ATP8A2: variants seen among roughly 807,000 people sequenced by gnomAD.
The protein encoded by ATP8A2 is phospholipid-transporting ATPase IB.
A neutral mutation model predicts 165.6 loss-of-function variants in ATP8A2; 100 were observed. The observed-to-expected ratio is 0.60, with a 90% CI of 0.51 to 0.71. The LOEUF (loss-of-function observed/expected upper bound fraction) is 0.71. Among genes scored for constraint, ATP8A2 ranks in the 30% least tolerant of loss-of-function variants. The pLI is 0.00. For missense variants in ATP8A2, 1,227 were observed against 1,479.5 expected (o/e 0.83, Z 2.80); for synonymous variants, 543 against 548.8 (o/e 0.99, Z 0.15).
Position 25,900,493 on chromosome 13 carries a change from G to A in ATP8A2, c.3183+38085G>A, listed in dbSNP as rs77738055. On this transcript the variant is annotated intron_variant, in intron 33 of 36. Transcript: ENST00000381655. ...AGTGAAGAGGGAGGGGCATCTGGTC[G>A]CAGTTTCAGATGATTGGCTAAGGTG... Among the ~76,000 whole-genome samples the A allele has an allele frequency of 2.4e-3, 366 of 152,250 alleles. 1 individual carries two copies. The highest frequency in any genetic ancestry group is 8.0e-3 in the African/African-American group (332 of 41,540).
At chr13:25,783,831 G>A (rs958217042) in intron 27 of ATP8A2, among the ~76,000 whole-genome samples, 4 of 152,164 alleles carry the variant, frequency 2.6e-5, no homozygotes, top group Non-Finnish European at 4.4e-5. Context: ...TTATGCTGCG[G>A]TTTTATATTT....
intron 1 of ATP8A2, among the ~76,000 whole-genome samples, chr13:25,443,854 A>G (rs2034997743): frequency 6.6e-6 from 1 of 152,234 alleles, no homozygotes; most frequent in African/African-American, 2.4e-5. Flanking sequence ...TGATCAGCAA[A>G]TATCCATTGA....
At chr13:25,862,497 C>A in intron 33 of ATP8A2, 89 bp downstream of exon 33, 1 of 983,892 alleles carries the variant, frequency 1.0e-6, no homozygotes, top group Non-Finnish European at 1.6e-6. Flanking sequence ...GTGTGTCTTA[C>A]AGCCACGATG....
chr13:25,402,670 G>C (rs1353282213), intron 1 of ATP8A2, among the ~76,000 whole-genome samples: 2 of 152,160 alleles, frequency 1.3e-5, no homozygotes, highest in African/African-American at 2.4e-5. Context: ...TGTGTCCCCA[G>C]TGCAACAGTA....
At chr13:25,518,765 A>T (rs543311105) in intron 2 of ATP8A2, among the ~76,000 whole-genome samples, 1 of 152,224 alleles carries the variant, frequency 6.6e-6, no homozygotes, top group East Asian at 1.9e-4. Flanking sequence ...GTAGACCCAG[A>T]CCCATATTTT....
rs533200283 is a variant in ATP8A2, at chr13:25,662,337, C to T, written c.2212-36836C>T. ...ATTCTTGGCGATGTTTTATCGTTGC[C>T]CCTGATAATTTCCCCATTTTTAAGA... is the stretch of plus-strand genomic sequence containing the variant. On this transcript the variant is annotated intron_variant, in intron 24 of 36. Coordinates refer to ENST00000381655, the MANE Select transcript of ATP8A2 (RefSeq NM_016529.6). Among the ~76,000 whole-genome samples the T allele has an allele frequency of 8.7e-4, 132 of 152,088 alleles. 1 individual carries two copies. The highest frequency in any genetic ancestry group is 3.0e-3 in the African/African-American group (126 of 41,488).
intron 25 of ATP8A2, among the ~76,000 whole-genome samples, chr13:25,742,312 A>G (rs778287043): frequency 6.6e-6 from 1 of 152,044 alleles, no homozygotes; most frequent in Non-Finnish European, 1.5e-5. Context: ...TATGGGGCAC[A>G]TGACTGTAAA....
intron 25 of ATP8A2, among the ~76,000 whole-genome samples, chr13:25,711,242 A>T (rs2043152372): frequency 2.6e-5 from 4 of 152,030 alleles, no homozygotes. Flanking sequence ...TGACCTCAAG[A>T]CACCAGCCCT....
chr13:25,543,298 G>T lies in ATP8A2; in HGVS notation c.787G>T (p.Ala263Ser). Residue 263 changes from alanine to serine, a missense_variant, in exon 10 of 37, where the codon GCC (alanine) becomes TCC (serine). Physicochemically the swap from Ala to Ser is moderately conservative, Grantham distance 99 (BLOSUM62 1). Transcript: ENST00000381655. ...GTTGTTTTTTATTTTTAGCCTTGTT[G>T]CCCTTGGGCCTGACCAGATCTTATT... is the stretch of plus-strand genomic sequence containing the variant. ...NLNLDGKSLV[A>S]LGPDQILLRG... 1 of 1,591,174 alleles carries T rather than the reference G, an allele frequency of 6.3e-7. No individual in the cohort carries two copies. Among genetic ancestry groups the T allele is most frequent in the South Asian group, 1.1e-5 (1 of 88,196 alleles).
intron 10 of ATP8A2, among the ~76,000 whole-genome samples, chr13:25,545,796 G>A (rs913185994): frequency 1.3e-5 from 2 of 152,042 alleles, no homozygotes; most frequent in Non-Finnish European, 1.5e-5. Flanking sequence ...CACCATGCCC[G>A]GCTAATTTTT....
At chr13:25,454,741 G>T (rs2035319140) in intron 1 of ATP8A2, among the ~76,000 whole-genome samples, 2 of 152,114 alleles carry the variant, frequency 1.3e-5, no homozygotes, top group South Asian at 4.1e-4. Context: ...GACCAACGTG[G>T]TGAAACCCCG....
intron 33 of ATP8A2, among the ~76,000 whole-genome samples, chr13:25,892,804 CTGT>C (rs1218974554): frequency 7.1e-6 from 1 of 140,052 alleles, no homozygotes; most frequent in African/African-American, 2.8e-5. Flanking sequence ...TTTTTTTAGT[CTGT>C]TTTTTTTTTT....
At chr13:25,568,759 G>A (rs951959385) in intron 16 of ATP8A2, among the ~76,000 whole-genome samples, 3 of 152,036 alleles carry the variant, frequency 2.0e-5, no homozygotes, top group African/African-American at 4.8e-5. Flanking sequence ...TTAAATGATA[G>A]ATATTACGTG....
At chr13:25,756,551 G>C (rs74039211) in intron 25 of ATP8A2, among the ~76,000 whole-genome samples, 1,809 of 152,298 alleles carry the variant, frequency 0.012, 43 homozygotes, top group African/African-American at 0.041. Flanking sequence ...AGGTGAGGGT[G>C]TGGAGCCTGG....
rs74917970 is a variant in ATP8A2 at position 25,505,534 on chromosome 13, A to G, written c.222-24465A>G. On this transcript the variant is annotated intron_variant, in intron 2 of 36. Transcript: ENST00000381655. ...CCTGATATAAGTGCCTTCACTTTTT[A>G]TCACATCCTCAGCCCTTTATATTTT... Among the ~76,000 whole-genome samples, 1,330 of 152,302 alleles carry G rather than the reference A, an allele frequency of 8.7e-3. 9 individuals are homozygous for G. Among genetic ancestry groups the G allele is most frequent in the Non-Finnish European group, 0.013 (853 of 68,022 alleles).
At chr13:25,880,820 G>T (rs947762391) in intron 33 of ATP8A2, 13 of 428,584 alleles carry the variant, frequency 3.0e-5, no homozygotes, top group Middle Eastern at 3.6e-4. Context: ...AAAGGAATTT[G>T]CAGTCTTTGT....
intron 26 of ATP8A2, among the ~76,000 whole-genome samples, chr13:25,772,390 C>T (rs1236655361): frequency 6.6e-6 from 1 of 152,044 alleles, no homozygotes; most frequent in Non-Finnish European, 1.5e-5. Flanking sequence ...TCAGGGGGTC[C>T]CGGTCAAATA....
intron 25 of ATP8A2, among the ~76,000 whole-genome samples, chr13:25,742,287 A>G (rs1307149049): frequency 6.6e-6 from 1 of 152,124 alleles, no homozygotes; most frequent in African/African-American, 2.4e-5. Context: ...ACTGTCGTAT[A>G]TGCAAAAACA....
chr13:25,857,828 T>C (rs1952216803), intron 30 of ATP8A2, among the ~76,000 whole-genome samples: 3 of 152,014 alleles, frequency 2.0e-5, no homozygotes, highest in Admixed American at 2.0e-4. Flanking sequence ...ACCTTGGCCT[T>C]CCAAAGTGCT....
Sources: allele counts gnomAD v4.1 joint callset (sites outside exome capture counted in the v4.1 genomes callset), GRCh38; gene constraint gnomAD v4.1.1; transcripts MANE v1.5; gene names NCBI Gene and HGNC (gene_info 2026-07-23, HGNC 2026-07-21).